Variants in JPH3 observed in about 807,000 individuals in gnomAD.
JPH3 encodes junctophilin-3.
Under a neutral mutation model 59.6 loss-of-function variants are expected in JPH3, and 11 were observed. That is an observed-to-expected ratio of 0.18 (90% CI 0.12 to 0.31). JPH3 has a LOEUF of 0.31. Ranked by LOEUF, JPH3 falls within the 10% of genes least tolerant of loss-of-function variation. The pLI is 1.00. For synonymous variants in JPH3, 673 were observed against 483.6 expected (o/e 1.39, Z -5.14); for missense variants, 1,202 against 1,105.7 (o/e 1.09, Z -1.24).
In JPH3 at chr16:87,620,925, C is replaced by T. The variant is rs1160995576; in HGVS notation, c.382+17397C>T. On this transcript the variant is annotated intron_variant, in intron 1 of 4. Coordinates refer to ENST00000284262, the MANE Select transcript of JPH3 (RefSeq NM_020655.4). ...CCTATAATCCCAGCACTTTGGGAGG[C>T]TGAGGCCTGAGCACTTGAGGTCAGG... Among the ~76,000 whole-genome samples, 4 of 152,146 alleles carry T rather than the reference C, an allele frequency of 2.6e-5. No homozygotes were observed. The East Asian group carries it at 7.7e-4, about 29-fold the overall frequency.
chr16:87,602,159 C>A (rs1025587689), upstream of JPH3: 1 of 151,752 alleles, frequency 6.6e-6, no homozygotes, highest in Non-Finnish European at 1.5e-5. Context: ...CCGCCCAGCT[C>A]CCGGGAGGGG....
At chr16:87,696,383 GC>G in intron 4 of JPH3, 196 bp from the exon 5 acceptor site, 1 of 598,446 alleles carries the variant, frequency 1.7e-6, no homozygotes, top group Non-Finnish European at 3.0e-6. Flanking sequence ...GGCAGCTGGG[GC>G]TTCTCTCCCG....
At chr16:87,640,241 A>T (rs535560687) in intron 1 of JPH3, among the ~76,000 whole-genome samples, 60 of 151,774 alleles carry the variant, frequency 4.0e-4, no homozygotes, top group African/African-American at 1.3e-3. Flanking sequence ...AGGCAGGAGA[A>T]TCGATTGAAC....
At chr16:87,650,791 G>A (rs1156572804) in intron 2 of JPH3, among the ~76,000 whole-genome samples, 2 of 152,216 alleles carry the variant, frequency 1.3e-5, no homozygotes, top group Non-Finnish European at 2.9e-5. Context: ...CAGAAGAGCT[G>A]GAAACGAGCA....
intron 1 of JPH3, among the ~76,000 whole-genome samples, chr16:87,625,295 C>A (rs894023841): frequency 6.6e-6 from 1 of 152,182 alleles, no homozygotes; most frequent in African/African-American, 2.4e-5. Flanking sequence ...TTGGAGCACA[C>A]AGTCGGTGCT....
chr16:87,627,338 G>C (rs2150832932), intron 1 of JPH3, among the ~76,000 whole-genome samples: 1 of 152,360 alleles, frequency 6.6e-6, no homozygotes, highest in African/African-American at 2.4e-5. Context: ...CAGCTTGAGG[G>C]GGTCTTGGCG....
intron 2 of JPH3, among the ~76,000 whole-genome samples, chr16:87,671,855 T>G (rs1278282361): frequency 6.6e-6 from 1 of 152,204 alleles, no homozygotes; most frequent in South Asian, 2.1e-4. Flanking sequence ...AGAGTTATTT[T>G]GAAGATCGGT....
At chr16:87,636,511 A>G (rs1344279030) in intron 1 of JPH3, among the ~76,000 whole-genome samples, 2 of 152,228 alleles carry the variant, frequency 1.3e-5, no homozygotes, top group African/African-American at 2.4e-5. Context: ...GTGGAGGCCC[A>G]GCCCGCAGAG....
intron 2 of JPH3, among the ~76,000 whole-genome samples, chr16:87,650,372 C>A (rs956724365): frequency 3.9e-5 from 6 of 152,324 alleles, no homozygotes; most frequent in Non-Finnish European, 7.3e-5. Context: ...GCCGCTCCCC[C>A]ATCCCTCTCT....
chr16:87,695,010 T>G, intron 4 of JPH3: 2 of 304,822 alleles, frequency 6.6e-6, no homozygotes, highest in Non-Finnish European at 1.3e-5. Flanking sequence ...CTGCCGGGAG[T>G]GTGTGCACAC....
At chr16:87,677,774 C>G (rs992843358) in intron 2 of JPH3, among the ~76,000 whole-genome samples, 11 of 152,352 alleles carry the variant, frequency 7.2e-5, no homozygotes, top group African/African-American at 2.4e-5. Context: ...CAGCTGAACA[C>G]CCACCTACGA....
chr16:87,691,103 G>A (rs923148284), intron 4 of JPH3, among the ~76,000 whole-genome samples: 5 of 143,122 alleles, frequency 3.5e-5, no homozygotes, highest in Non-Finnish European at 6.1e-5. Flanking sequence ...CCCCAAATTC[G>A]TTCCTCCAGG....
intron 3 of JPH3, among the ~76,000 whole-genome samples, chr16:87,687,816 A>G (rs1358392374): frequency 6.6e-6 from 1 of 152,042 alleles, no homozygotes; most frequent in Non-Finnish European, 1.5e-5. Flanking sequence ...CAGTGGGTGG[A>G]CGACCTGGTG....
chr16:87,602,338 G>T (rs1366279017), upstream of JPH3: 1 of 140,862 alleles, frequency 7.1e-6, no homozygotes, highest in East Asian at 2.2e-4. Context: ...CGCGGAGGGC[G>T]GGGCGCCCGG....
In JPH3 at chr16:87,633,323, A is replaced by C. The variant is rs544726932; in HGVS notation, c.383-10935A>C. Among the ~76,000 whole-genome samples the C allele has an allele frequency of 2.0e-5, 3 of 150,718 alleles. No individual in the cohort carries two copies. The South Asian group carries it at 6.4e-4, about 32-fold the overall frequency. Reference sequence around the variant, plus strand: ...ATTTTTAACTCAGCCACCTCTTTAAAGACCTTATCTATCTCCAAACAAGGT... The same window carrying C: ...ATTTTTAACTCAGCCACCTCTTTAACGACCTTATCTATCTCCAAACAAGGT... On this transcript the variant is annotated intron_variant, in intron 1 of 4. Coordinates refer to ENST00000284262, the MANE Select transcript of JPH3 (RefSeq NM_020655.4).
intron 2 of JPH3, among the ~76,000 whole-genome samples, chr16:87,653,064 G>A (rs2032376407): frequency 6.6e-6 from 1 of 151,092 alleles, no homozygotes; most frequent in Non-Finnish European, 1.5e-5. Flanking sequence ...GCCAGTCAGT[G>A]CCTGCGGGGG....
intron 1 of JPH3, among the ~76,000 whole-genome samples, chr16:87,640,448 T>C (rs189808447): frequency 2.1e-3 from 322 of 152,002 alleles, no homozygotes; most frequent in Admixed American, 7.1e-3. Flanking sequence ...TGGAGTGCAG[T>C]GGCATGATCT....
chr16:87,625,926 C>T (rs1667174308), intron 1 of JPH3, among the ~76,000 whole-genome samples: 1 of 152,156 alleles, frequency 6.6e-6, no homozygotes, highest in Admixed American at 6.5e-5. Flanking sequence ...AAACTCAGGG[C>T]CTCAAGCCCC....
intron 1 of JPH3, among the ~76,000 whole-genome samples, chr16:87,613,561 T>A (rs2030818053): frequency 6.6e-6 from 1 of 152,114 alleles, no homozygotes; most frequent in Non-Finnish European, 1.5e-5. Flanking sequence ...CCTCAAGTGA[T>A]CCGCCCACCT....
Sources: allele counts gnomAD v4.1 joint callset (sites outside exome capture counted in the v4.1 genomes callset), GRCh38; gene constraint gnomAD v4.1.1; transcripts MANE v1.5; gene names NCBI Gene and HGNC (gene_info 2026-07-23, HGNC 2026-07-21).